Variants in POLH observed in about 807,000 individuals in gnomAD.
POLH encodes DNA polymerase eta transcript.
POLH carries 53 observed loss-of-function variants against 73.6 expected under a neutral mutation model. That is an observed-to-expected ratio of 0.72 (90% CI 0.58 to 0.91). The LOEUF (loss-of-function observed/expected upper bound fraction) is 0.91. Ranked by LOEUF, POLH falls within the 40% of genes least tolerant of loss-of-function variation. The pLI is 0.00. For synonymous variants in POLH, 292 were observed against 308.5 expected (o/e 0.95, Z 0.56); for missense variants, 768 against 865.4 (o/e 0.89, Z 1.41).
chr6:43,607,037 A>G (rs946507806), intron 9 of POLH, among the ~76,000 whole-genome samples: 2 of 152,166 alleles, frequency 1.3e-5, no homozygotes, highest in African/African-American at 4.8e-5. Context: ...CTTTCACTTA[A>G]TATGTTTTCA....
At position 43,613,737 on chromosome 6, in the gene POLH, C is replaced by A; in HGVS notation, c.1322C>A (p.Thr441Asn). ...ASAPSSSTDI[T>N]SFLSSDPSSL... Reference sequence around the variant, plus strand: ...GCCCCTTCATCTTCTACAGACATCACCAGCTTCTTGAGCAGTGACCCAAGT... The same window carrying A: ...GCCCCTTCATCTTCTACAGACATCAACAGCTTCTTGAGCAGTGACCCAAGT... The change falls in exon 11 of 11, where the codon ACC (threonine) becomes AAC (asparagine). Residue 441 changes from threonine to asparagine, a missense_variant. Thr to Asn is a moderately conservative substitution (Grantham distance 65, BLOSUM62 0). Coordinates refer to ENST00000372236, the MANE Select transcript of POLH (RefSeq NM_006502.3). 2 of 1,613,668 alleles carry A rather than the reference C, an allele frequency of 1.2e-6. No homozygotes were observed.
chr6:43,600,933 C>T, intron 5 of POLH, 55 bp from the exon 6 acceptor site: 1 of 1,085,066 alleles, frequency 9.2e-7, no homozygotes, highest in South Asian at 1.2e-5. Context: ...TGTTTATATT[C>T]ACCAACTTTG....
At chr6:43,609,556 T>C (rs1561912455) in intron 9 of POLH, among the ~76,000 whole-genome samples, 1 of 152,206 alleles carries the variant, frequency 6.6e-6, no homozygotes, top group Non-Finnish European at 1.5e-5. Flanking sequence ...GATTACAGCA[T>C]TCAGATGCTT....
At chr6:43,605,465 T>C (rs530816660) in intron 9 of POLH, 146 bp downstream of exon 9, 1 of 584,986 alleles carries the variant, frequency 1.7e-6, no homozygotes, top group East Asian at 3.0e-5. Context: ...TTTTTTTTTT[T>C]TTGAGACATG....
At chr6:43,603,405 C>T (rs1766952260) in intron 6 of POLH, among the ~76,000 whole-genome samples, 1 of 152,086 alleles carries the variant, frequency 6.6e-6, no homozygotes, top group African/African-American at 2.4e-5. Context: ...GCTAGGACTA[C>T]AGGAGTGAGC....
chr6:43,588,587 G>A (rs1462133238), intron 4 of POLH: 1 of 152,162 alleles, frequency 6.6e-6, no homozygotes, highest in East Asian at 1.9e-4. Context: ...AAGTAGCTGG[G>A]ATTACAGGCA....
At chr6:43,583,536 T>G (rs950016774) in intron 3 of POLH, among the ~76,000 whole-genome samples, 2 of 152,208 alleles carry the variant, frequency 1.3e-5, no homozygotes, top group African/African-American at 4.8e-5. Flanking sequence ...AATTAGTTGC[T>G]ATAATTGAAC....
chr6:43,578,267 A>AT (rs777741186), intron 1 of POLH, among the ~76,000 whole-genome samples: 3 of 151,878 alleles, frequency 2.0e-5, no homozygotes, highest in Non-Finnish European at 4.4e-5. Context: ...TGCGCCTGTA[A>AT]TCCCAGCTAC....
intron 4 of POLH, among the ~76,000 whole-genome samples, chr6:43,592,372 T>C (rs1158496266): frequency 6.6e-6 from 1 of 151,790 alleles, no homozygotes; most frequent in Non-Finnish European, 1.5e-5. Context: ...GCAATCATGC[T>C]CAGCCCTCCT....
At position 43,583,106 on chromosome 6, in the gene POLH, A is replaced by G. The variant is rs1175199526; in HGVS notation, c.237A>G (p.Gln79=). Reference sequence around the variant, plus strand: ...TATGTCCAGATCTTCTACTGGCACAAGTTCGTGAGTCCCGTGGGAAAGCTA... The same window carrying G: ...TATGTCCAGATCTTCTACTGGCACAGGTTCGTGAGTCCCGTGGGAAAGCTA... ...KKLCPDLLLA[Q]VRESRGKANL... Residue 79 remains glutamine, a synonymous_variant, in exon 3 of 11, where the codon CAA becomes CAG. Coordinates refer to ENST00000372236, the MANE Select transcript of POLH (RefSeq NM_006502.3). The G allele has an allele frequency of 6.2e-7, 1 of 1,613,996 alleles. No homozygotes were observed.
intron 10 of POLH, among the ~76,000 whole-genome samples, chr6:43,612,235 A>T (rs1767963811): frequency 6.6e-6 from 1 of 152,240 alleles, no homozygotes. Context: ...TTGACAAACT[A>T]TAACAAATAC....
intron 3 of POLH, among the ~76,000 whole-genome samples, chr6:43,586,388 G>A (rs1764822551): frequency 6.6e-6 from 1 of 152,228 alleles, no homozygotes; most frequent in South Asian, 2.1e-4. Context: ...GGCTGAGGCA[G>A]GAGAATTGCT....
At chr6:43,581,790 G>A (rs1168062492) in intron 1 of POLH, among the ~76,000 whole-genome samples, 1 of 149,794 alleles carries the variant, frequency 6.7e-6, no homozygotes, top group South Asian at 2.1e-4. Flanking sequence ...GGGCCGCAGC[G>A]CAGCCGCGCC....
rs969401513 is a variant in POLH at position 43,617,897 on chromosome 6, C to T, written c.*3340C>T. Reference sequence around the variant, plus strand: ...ATCGTGCCACTGCACTGCACCCTGGCGACACAGCAAGACTGTCTCAAAAAA... The same window carrying T: ...ATCGTGCCACTGCACTGCACCCTGGTGACACAGCAAGACTGTCTCAAAAAA... On this transcript the variant is annotated 3_prime_UTR_variant, in exon 11 of 11. Transcript: ENST00000372236. Among the ~76,000 whole-genome samples, 4 of 150,874 alleles carry T rather than the reference C, an allele frequency of 2.7e-5. No individual in the cohort carries two copies. The highest frequency in any genetic ancestry group is 6.6e-5 in the Admixed American group (1 of 15,150).
At chr6:43,600,270 T>C (rs1249420815) in intron 5 of POLH, among the ~76,000 whole-genome samples, 5 of 152,084 alleles carry the variant, frequency 3.3e-5, no homozygotes, top group Non-Finnish European at 5.9e-5. Context: ...ATACAAAAAT[T>C]AGCTGGACAT....
chr6:43,587,488 AG>A lies in POLH; in HGVS notation c.490+1del, dbSNP rs1561900325. 1 of 1,606,444 alleles carries A rather than the reference AG, an allele frequency of 6.2e-7. No individual in the cohort carries two copies. ...CAACGGCAGAAGAGACTGTTCAGAA[AG>A]GTACTTCCATAGCATCATACTGCTT... ...PTTAEETVQK[E>X]GMRKQGLFQW... is the part of the protein sequence containing the mutation. On this transcript the variant is annotated frameshift_variant and splice_region_variant, in exon 4 of 11. Coordinates refer to ENST00000372236, the MANE Select transcript of POLH (RefSeq NM_006502.3). LOFTEE classifies it high-confidence loss of function.
intron 2 of POLH, 83 bp downstream of exon 2, chr6:43,582,539 G>T: frequency 7.1e-7 from 1 of 1,403,718 alleles, no homozygotes. Context: ...TGGTGGTGGT[G>T]GTGGTGGTGA....
chr6:43,592,974 C>T (rs1426310379), intron 4 of POLH, among the ~76,000 whole-genome samples: 2 of 152,134 alleles, frequency 1.3e-5, no homozygotes, highest in Non-Finnish European at 2.9e-5. Context: ...CCCACTTCAG[C>T]GTCCCAAAGT....
chr6:43,600,910 TATG>T, intron 5 of POLH, 75 bp from the exon 6 acceptor site: 1 of 860,854 alleles, frequency 1.2e-6, no homozygotes, highest in South Asian at 1.3e-5. Flanking sequence ...TGTGTGTGTG[TATG>T]TTATGTGTAT....
Sources: gnomAD v4.1 joint callset for allele counts (sites outside exome capture counted in the v4.1 genomes callset) on GRCh38, gnomAD v4.1.1 for gene constraint, MANE v1.5 for transcripts, NCBI Gene and HGNC (gene_info 2026-07-23, HGNC 2026-07-21) for gene names.